The following ANXA4 variants were observed in gnomAD, a reference collection of about 807,000 sequenced individuals.
ANXA4 encodes the protein 35-beta calcimedin.
In ANXA4, 39 loss-of-function variants were observed where a neutral mutation model predicts 49.8. The ratio of observed to expected loss-of-function variants is 0.78; its 90% CI spans 0.61 to 1.02. ANXA4 has a LOEUF of 1.02. Among genes scored for constraint, ANXA4 ranks in the 50% least tolerant of loss-of-function variants. The probability of loss-of-function intolerance (pLI) is 0.00; values close to 1 mark genes in which losing one functional copy is unlikely to be tolerated. For synonymous variants in ANXA4, 134 were observed against 152.5 expected (o/e 0.88, Z 0.89); for missense variants, 360 against 410.1 (o/e 0.88, Z 1.05).
intron 3 of ANXA4, among the ~76,000 whole-genome samples, chr2:69,801,163 C>T: frequency 6.6e-6 from 1 of 152,122 alleles, no homozygotes; most frequent in African/African-American, 2.4e-5. Flanking sequence ...TTACTGTACA[C>T]ATGCTAACAA....
chr2:69,740,202 CTTTCTTTT>C (rs2105463279), upstream of ANXA4, among the ~76,000 whole-genome samples: 1 of 152,124 alleles, frequency 6.6e-6, no homozygotes, highest in Non-Finnish European at 1.5e-5. Context: ...TTAATTTTTT[CTTTCTTTT>C]TCTTTTTCTT....
intron 6 of ANXA4, chr2:69,810,342 C>T: frequency 2.3e-6 from 1 of 428,698 alleles, no homozygotes; most frequent in Admixed American, 3.5e-5. Flanking sequence ...CTCCATCCAG[C>T]CTGGGCAACA....
At position 69,826,113 on chromosome 2, in the gene ANXA4, A is replaced by C. The variant is rs1366696842; in HGVS notation, c.*598A>C. The C allele has an allele frequency of 6.5e-6, 1 of 152,686 alleles. No individual in the cohort carries two copies. Among genetic ancestry groups the C allele is most frequent in the Non-Finnish European group, 1.5e-5 (1 of 68,060 alleles). The allele number at this position is 152,686 out of a possible 1,614,324, so 9.5% of individuals were successfully genotyped here. A position where few individuals can be genotyped will look rare whatever the true frequency, so the allele number is the denominator to read the frequency against. On this transcript the variant is annotated 3_prime_UTR_variant, in exon 13 of 13. Coordinates refer to ENST00000394295, the MANE Select transcript of ANXA4 (RefSeq NM_001153.5). ...ATCTTATGTTGAAATCACTTTCTGT[A>C]GTCAAAGTATACCAAAACCAATTTA... is the stretch of plus-strand genomic sequence containing the variant.
chr2:69,753,568 C>G lies in ANXA4; in HGVS notation c.-47+11393C>G, dbSNP rs1457801614. Among the ~76,000 whole-genome samples, 3 of 152,194 alleles carry G rather than the reference C, an allele frequency of 2.0e-5. No individual in the cohort carries two copies. In the East Asian group the frequency reaches 5.8e-4, roughly 29 times the overall value. ...CCAGACATCATGTCCTGACAACATC[C>G]AGGGCCAGGAGAAAGGGGGAATTTG... On this transcript the variant is annotated intron_variant, in intron 1 of 12. Transcript: ENST00000394295.
chr2:69,699,451 G>C (rs1678262771), intron 2 of ANXA4, among the ~76,000 whole-genome samples: 1 of 151,986 alleles, frequency 6.6e-6, no homozygotes. Context: ...ACCAGCCCTG[G>C]CTACATAGTG....
intron 3 of ANXA4, among the ~76,000 whole-genome samples, chr2:69,734,903 C>T (rs1670204429): frequency 6.6e-6 from 1 of 152,194 alleles, no homozygotes; most frequent in African/African-American, 2.4e-5. Context: ...CAAACAATCC[C>T]ATTCACTTGT....
chr2:69,819,296 CA>C lies in ANXA4; in HGVS notation c.744del (p.Lys248AsnfsTer13), dbSNP rs1253462336. The C allele has an allele frequency of 1.9e-6, 3 of 1,607,074 alleles. No homozygotes were observed. The highest frequency in any genetic ancestry group is 2.6e-6 in the Non-Finnish European group (3 of 1,175,924). On this transcript the variant is annotated frameshift_variant, in exon 11 of 13. Transcript: ENST00000394295. LOFTEE classifies it high-confidence loss of function. The part of the protein sequence containing the change: ...LLAIVKCMRN[K>X]SAYFAEKLYK... Reference sequence around the variant, plus strand: ...CTTTGACAGTAAAGTGCATGAGGAACAAATCTGCATATTTTGCTGAAAAGCT... The same window carrying C: ...CTTTGACAGTAAAGTGCATGAGGAACAATCTGCATATTTTGCTGAAAAGCT...
upstream of ANXA4, among the ~76,000 whole-genome samples, chr2:69,644,172 C>CCCCCCCCCCCG (rs1675903203): frequency 1.8e-5 from 1 of 54,090 alleles, no homozygotes; most frequent in African/African-American, 5.7e-5. Flanking sequence ...AGTTCCCCCC[C>CCCCCCCCCCCG]CCCCCCCCCC....
intron 1 of ANXA4, among the ~76,000 whole-genome samples, chr2:69,776,021 T>C (rs922912712): frequency 4.6e-5 from 7 of 151,174 alleles, no homozygotes; most frequent in Admixed American, 2.6e-4. Context: ...TTGCCCAGGC[T>C]GGAGTGCAGT....
At chr2:69,707,338 G>A (rs1422548068) in intron 2 of ANXA4, among the ~76,000 whole-genome samples, 3 of 152,182 alleles carry the variant, frequency 2.0e-5, no homozygotes, top group Non-Finnish European at 4.4e-5. Context: ...TGTGCAAGCA[G>A]TAATGTGTAC....
upstream of ANXA4, among the ~76,000 whole-genome samples, chr2:69,737,629 G>A (rs144770146): frequency 9.7e-3 from 1,474 of 151,896 alleles, 20 homozygotes; most frequent in African/African-American, 0.032. Context: ...ATAGTGTCTC[G>A]CTATGTCACC....
chr2:69,739,986 C>A (rs1311216408), upstream of ANXA4, among the ~76,000 whole-genome samples: 1 of 152,012 alleles, frequency 6.6e-6, no homozygotes, highest in Non-Finnish European at 1.5e-5. Context: ...ATGAAGGGTA[C>A]CACAGATTTA....
chr2:69,661,893 A>C (rs1676737322), intron 2 of ANXA4, among the ~76,000 whole-genome samples: 1 of 152,134 alleles, frequency 6.6e-6, no homozygotes, highest in African/African-American at 2.4e-5. Context: ...ACGAGGGTGG[A>C]TGATTGGAAG....
At chr2:69,770,860 C>G (rs1671679744) in intron 1 of ANXA4, among the ~76,000 whole-genome samples, 1 of 151,636 alleles carries the variant, frequency 6.6e-6, no homozygotes, top group African/African-American at 2.4e-5. Context: ...GAGGGTGAGG[C>G]AGACGATCGC....
intron 2 of ANXA4, among the ~76,000 whole-genome samples, chr2:69,695,076 C>T (rs1306272000): frequency 6.6e-6 from 1 of 151,538 alleles, no homozygotes; most frequent in African/African-American, 2.4e-5. Flanking sequence ...CCCAGGAGGT[C>T]GAGGTTGCAG....
chr2:69,747,615 ACTT>A lies in ANXA4; in HGVS notation c.-47+5443_-47+5445del, dbSNP rs566120912. Among the ~76,000 whole-genome samples, 102 of 152,264 alleles carry A rather than the reference ACTT, an allele frequency of 6.7e-4. 1 individual carries two copies. The South Asian group carries it at 8.1e-3, about 12-fold the overall frequency. On this transcript the variant is annotated intron_variant, in intron 1 of 12. Transcript: ENST00000394295. ...ACAATTTCAAGGAGTTTATAGACAC[ACTT>A]CTAAACTCAGTCATGGATACAGGTT...
At chr2:69,783,990 T>G (rs1672310120) in intron 2 of ANXA4, among the ~76,000 whole-genome samples, 2 of 152,248 alleles carry the variant, frequency 1.3e-5, no homozygotes, top group South Asian at 4.1e-4. Flanking sequence ...CATTGTATTG[T>G]ACTCTGATCT....
intron 1 of ANXA4, among the ~76,000 whole-genome samples, chr2:69,651,586 T>C (rs1317427996): frequency 5.3e-5 from 8 of 151,746 alleles, no homozygotes; most frequent in African/African-American, 1.9e-4. Flanking sequence ...CACTGCAAGC[T>C]CCGCCTCCCG....
chr2:69,689,532 A>G (rs1677895152), intron 2 of ANXA4, among the ~76,000 whole-genome samples: 1 of 152,222 alleles, frequency 6.6e-6, no homozygotes, highest in Admixed American at 6.5e-5. Flanking sequence ...AAAAAATGCA[A>G]CTGTCTTACA....
Sources: allele counts gnomAD v4.1 joint callset (sites outside exome capture counted in the v4.1 genomes callset), GRCh38; gene constraint gnomAD v4.1.1; transcripts MANE v1.5; gene names NCBI Gene and HGNC (gene_info 2026-07-23, HGNC 2026-07-21).